Variants in ARHGEF26 observed in about 807,000 individuals in gnomAD.
ARHGEF26 encodes the protein Rho guanine nucleotide exchange factor (GEF) 26.
In ARHGEF26, 59 loss-of-function variants were observed where a neutral mutation model predicts 89.4. That is an observed-to-expected ratio of 0.66 (90% CI 0.54 to 0.82). The LOEUF (loss-of-function observed/expected upper bound fraction) is 0.82. ARHGEF26 is among the 40% of genes least tolerant of loss of function. ARHGEF26 has a pLI of 0.00. For missense variants in ARHGEF26, 1,234 were observed against 1,085.6 expected (o/e 1.14, Z -1.92); for synonymous variants, 500 against 428.4 (o/e 1.17, Z -2.06).
chr3:154,126,610 G>A (rs1377587013), intron 3 of ARHGEF26, among the ~76,000 whole-genome samples: 1 of 152,178 alleles, frequency 6.6e-6, no homozygotes, highest in Non-Finnish European at 1.5e-5. Flanking sequence ...TCATGACAGT[G>A]TGAAAGAAAC....
intron 4 of ARHGEF26, among the ~76,000 whole-genome samples, chr3:154,148,580 G>C (rs769472934): frequency 1.9e-4 from 29 of 152,222 alleles, no homozygotes; most frequent in Non-Finnish European, 3.4e-4. Flanking sequence ...TTTTGGGTCT[G>C]AACCCCATTT....
intron 7 of ARHGEF26, 24 bp from the exon 8 acceptor site, chr3:154,191,265 T>C (rs1713936516): frequency 6.3e-7 from 1 of 1,583,980 alleles, no homozygotes; most frequent in Admixed American, 1.9e-5. Flanking sequence ...TTTTGAAGTT[T>C]CTCTTTTCTT....
chr3:154,233,575 A>G (rs1198830102), intron 11 of ARHGEF26, among the ~76,000 whole-genome samples: 1 of 152,250 alleles, frequency 6.6e-6, no homozygotes, highest in African/African-American at 2.4e-5. Flanking sequence ...CAGAGCCATT[A>G]AATTCCTCAG....
At position 154,142,956 on chromosome 3, in the gene ARHGEF26, C is replaced by A. The variant is rs191158134; in HGVS notation, c.1270-6433C>A. On this transcript the variant is annotated intron_variant, in intron 4 of 14. Transcript: ENST00000465093. The stretch of plus-strand genomic sequence containing the variant: ...CTCCCTTTACCTTAGCTTCTCATTT[C>A]TTTTATCTACAGGTGGTCATCTCTC... 7.0e-4 allele frequency among the ~76,000 whole-genome samples: 107 copies of A among 152,216 alleles called. 1 individual carries two copies. The highest frequency in any genetic ancestry group is 5.7e-3 in the Admixed American group (87 of 15,292).
chr3:154,169,230 C>T (rs1712259344), intron 6 of ARHGEF26, among the ~76,000 whole-genome samples: 1 of 152,070 alleles, frequency 6.6e-6, no homozygotes, highest in South Asian at 2.1e-4. Flanking sequence ...GAGCCTGATA[C>T]ATTTGTGAGT....
chr3:154,212,904 T>C (rs540559102), intron 9 of ARHGEF26, among the ~76,000 whole-genome samples: 51 of 152,320 alleles, frequency 3.3e-4, no homozygotes, highest in African/African-American at 1.2e-3. Flanking sequence ...TCATTTAACA[T>C]TCTAAGTTGT....
intron 11 of ARHGEF26, among the ~76,000 whole-genome samples, chr3:154,235,183 G>T (rs796717772): frequency 1.4e-4 from 22 of 151,816 alleles, no homozygotes; most frequent in African/African-American, 5.3e-4. Context: ...TGTTTTCACT[G>T]GGTTGTGTTT....
intron 8 of ARHGEF26, among the ~76,000 whole-genome samples, chr3:154,191,954 C>G (rs1007102367): frequency 1.3e-5 from 2 of 152,202 alleles, no homozygotes; most frequent in Non-Finnish European, 2.9e-5. Flanking sequence ...AGGCAGCATT[C>G]ATGAGGAAAG....
In ARHGEF26 at chr3:154,236,558, T is replaced by C. The variant is rs567247667; in HGVS notation, c.2091-3812T>C. ...TTCAGAGACTATATAAACCATATGT[T>C]TGTTAAACGATAGAGACAAACATGG... On this transcript the variant is annotated intron_variant, in intron 11 of 14. Coordinates refer to ENST00000465093, the MANE Select transcript of ARHGEF26 (RefSeq NM_015595.4). Among the ~76,000 whole-genome samples, 48 of 152,360 alleles carry C rather than the reference T, an allele frequency of 3.2e-4. No homozygotes were observed. In the South Asian group the frequency reaches 9.7e-3, roughly 31 times the overall value.
chr3:154,207,343 T>C (rs1257457491), intron 9 of ARHGEF26, among the ~76,000 whole-genome samples: 1 of 152,204 alleles, frequency 6.6e-6, no homozygotes, highest in African/African-American at 2.4e-5. Context: ...AGAAAATTTC[T>C]GTAATCTATG....
rs181733793 is a variant in ARHGEF26 at position 154,217,822 on chromosome 3, G to T, written c.1846-47G>T. On this transcript the variant is annotated intron_variant, in intron 9 of 14. Coordinates refer to ENST00000465093, the MANE Select transcript of ARHGEF26 (RefSeq NM_015595.4). ...TGAGAGTTCTGCTTTTGAAAGTGAG[G>T]TTTCTCTCCTTGACCTTTAACCCTC... 453 of 1,433,042 alleles carry T rather than the reference G, an allele frequency of 3.2e-4. 2 individuals are homozygous for T. The Middle Eastern group carries it at 3.5e-3, about 11-fold the overall frequency. 88.8% of individuals were successfully genotyped at this position (1,433,042 alleles called of 1,614,324 possible).
chr3:154,251,200 G>A (rs923347069), intron 12 of ARHGEF26, among the ~76,000 whole-genome samples: 2 of 152,146 alleles, frequency 1.3e-5, no homozygotes, highest in African/African-American at 2.4e-5. Context: ...TGGGTTAGGT[G>A]CTTAACATAC....
intron 6 of ARHGEF26, among the ~76,000 whole-genome samples, chr3:154,169,801 C>T (rs1027341688): frequency 4.6e-5 from 7 of 152,088 alleles, no homozygotes; most frequent in African/African-American, 1.7e-4. Flanking sequence ...CTGAAACACT[C>T]AGAAAACAAA....
At position 154,227,537 on chromosome 3, in the gene ARHGEF26, T is replaced by A. The variant is rs186815582; in HGVS notation, c.2090+1527T>A. Among the ~76,000 whole-genome samples, 137 of 152,314 alleles carry A rather than the reference T, an allele frequency of 9.0e-4. 1 individual carries two copies. The highest frequency in any genetic ancestry group is 1.5e-3 in the Non-Finnish European group (104 of 68,018). ...ACCTCGTGATCTGCCTGCCTCAGCT[T>A]CCTAAAGTGCTGGGATTATAGGCAT... On this transcript the variant is annotated intron_variant, in intron 11 of 14. Coordinates refer to ENST00000465093, the MANE Select transcript of ARHGEF26 (RefSeq NM_015595.4).
intron 6 of ARHGEF26, among the ~76,000 whole-genome samples, chr3:154,182,425 CA>C (rs1196619178): frequency 1.3e-5 from 2 of 152,152 alleles, no homozygotes; most frequent in African/African-American, 4.8e-5. Context: ...TATTTGATCA[CA>C]CTGTGTCAAC....
chr3:154,248,646 T>C (rs1048374027), intron 12 of ARHGEF26, among the ~76,000 whole-genome samples: 4 of 152,200 alleles, frequency 2.6e-5, no homozygotes, highest in Non-Finnish European at 5.9e-5. Flanking sequence ...GAAAACATCA[T>C]TGACCCGCTT....
rs188383913 is a variant in ARHGEF26, at chr3:154,122,063, C to T, written c.71C>T (p.Pro24Leu). 546 of 1,612,898 alleles carry T rather than the reference C, an allele frequency of 3.4e-4. 1 individual carries two copies. The Middle Eastern group carries it at 5.4e-3, about 16-fold the overall frequency. ...CCTTTGTGGCGGAGGCGGTCGATTCCTCAGCCCCACCAGGTTCTGGGCCGG... is the reference window on the plus strand; with the variant it reads ...CCTTTGTGGCGGAGGCGGTCGATTCTTCAGCCCCACCAGGTTCTGGGCCGG... ...ITPLWRRRSI[P>L]QPHQVLGRSK... The change falls in exon 2 of 15, where the codon CCT becomes CTT. Residue 24 changes from proline to leucine, a missense_variant. Coordinates refer to ENST00000465093, the MANE Select transcript of ARHGEF26 (RefSeq NM_015595.4).
chr3:154,210,898 G>A (rs1194660937), intron 9 of ARHGEF26, among the ~76,000 whole-genome samples: 6 of 151,090 alleles, frequency 4.0e-5, no homozygotes, highest in South Asian at 2.1e-4. Flanking sequence ...AGCCAAGGTC[G>A]CACCATTGCA....
chr3:154,239,388 C>T (rs576271020), intron 11 of ARHGEF26, among the ~76,000 whole-genome samples: 1 of 149,326 alleles, frequency 6.7e-6, no homozygotes, highest in Non-Finnish European at 1.5e-5. Context: ...CAGTGAAACT[C>T]AAGGGAGAGG....
Sources: gnomAD v4.1 joint callset for allele counts (sites outside exome capture counted in the v4.1 genomes callset) on GRCh38, gnomAD v4.1.1 for gene constraint, MANE v1.5 for transcripts, NCBI Gene and HGNC (gene_info 2026-07-23, HGNC 2026-07-21) for gene names.